COA8: variants seen among roughly 807,000 people sequenced by gnomAD.
COA8 encodes cytochrome c oxidase assembly factor 8.
Under a neutral mutation model 22.0 loss-of-function variants are expected in COA8, and 20 were observed. That is an observed-to-expected ratio of 0.91 (90% CI 0.64 to 1.32). COA8 has a LOEUF of 1.32. Ranked by LOEUF, COA8 falls within the 40% of genes most tolerant of loss-of-function variation. The pLI, the probability that COA8 is intolerant of heterozygous loss-of-function variation, is 0.00. For synonymous variants in COA8, 105 were observed against 79.9 expected (o/e 1.31, Z -1.68); for missense variants, 266 against 230.0 (o/e 1.16, Z -1.01).
chr14:103,590,533 G>A lies in COA8; in HGVS notation c.*247G>A, dbSNP rs553163151. ...AATAAAGCCCAAGCACTGGGTGCCC[G>A]TTTCCTGTGTTTCGAATTATACCAA... On this transcript the variant is annotated 3_prime_UTR_variant, in exon 5 of 5. Coordinates refer to ENST00000409074, the MANE Select transcript of COA8 (RefSeq NM_001370595.2). 17 of 420,968 alleles carry A rather than the reference G, an allele frequency of 4.0e-5. No individual in the cohort carries two copies. In the East Asian group the frequency reaches 5.6e-4, roughly 14 times the overall value. The allele number at this position is 420,968 out of a possible 1,614,324, so 26.1% of individuals were successfully genotyped here.
At chr14:103,578,681 G>A (rs1304645194) in intron 3 of COA8, among the ~76,000 whole-genome samples, 1 of 152,148 alleles carries the variant, frequency 6.6e-6, no homozygotes, top group Admixed American at 6.6e-5. Context: ...AGTGTGGATG[G>A]TGCCCTGCTT....
chr14:103,584,967 G>A (rs550570957), intron 3 of COA8, among the ~76,000 whole-genome samples: 3 of 151,686 alleles, frequency 2.0e-5, no homozygotes, highest in East Asian at 2.0e-4. Flanking sequence ...GTGAAACCCC[G>A]TCTTTACTAG....
At chr14:103,574,671 A>T (rs1039799189) in intron 3 of COA8, 2 of 338,746 alleles carry the variant, frequency 5.9e-6, no homozygotes, top group East Asian at 1.7e-4. Flanking sequence ...TGCCATTCCT[A>T]CTAATCCTTT....
At chr14:103,574,240 A>G (rs756341441) in intron 3 of COA8, 70 bp downstream of exon 3, 41 of 1,598,884 alleles carry the variant, frequency 2.6e-5, no homozygotes, top group Non-Finnish European at 3.2e-5. Flanking sequence ...AAGGGAAAGG[A>G]AGGGCGGTGA....
chr14:103,571,669 G>C lies in COA8; in HGVS notation c.170G>C (p.Gly57Ala), dbSNP rs769818337. The C allele has an allele frequency of 6.2e-7, 1 of 1,614,152 alleles. No individual in the cohort carries two copies. Among genetic ancestry groups the C allele is most frequent in the South Asian group, 1.1e-5 (1 of 91,082 alleles). ...AGAAAGTCTTGCCATGATTGGATAG[G>C]ACCCCCAGATAAATATTCAAACCTT... The part of the protein sequence containing the change: ...PPRKSCHDWI[G>A]PPDKYSNLRP... The change falls in exon 2 of 5, where the codon GGA becomes GCA. Residue 57 changes from glycine (G) to alanine (A), a missense_variant. Physicochemically the swap from Gly to Ala is moderately conservative, Grantham distance 60. Transcript: ENST00000409074.
At chr14:103,587,808 A>G (rs576023279) in intron 4 of COA8, among the ~76,000 whole-genome samples, 14 of 151,748 alleles carry the variant, frequency 9.2e-5, no homozygotes, top group Admixed American at 5.9e-4. Context: ...CGCCTCGTCT[A>G]TCAACTTTAT....
rs1298263478 is a variant in COA8, at chr14:103,562,971, G to C, written c.-31G>C. 1.3e-6 allele frequency: 2 copies of C among 1,513,912 alleles called. No homozygotes were observed. The highest frequency in any genetic ancestry group is 1.8e-6 in the Non-Finnish European group (2 of 1,136,748). 93.8% of individuals were successfully genotyped at this position (1,513,912 alleles called of 1,614,324 possible). A position where few individuals can be genotyped will look rare whatever the true frequency, so the allele number is the denominator to read the frequency against. ...CCCCTCGCGCCGTCGCAATGCTGCC[G>C]TGCGCCGCGGGAGCCAGGGGGCGTG... On this transcript the variant is annotated 5_prime_UTR_variant, in exon 1 of 5. Transcript: ENST00000409074.
In COA8 at chr14:103,590,256, T is replaced by C; in HGVS notation, c.552T>C (p.Leu184=). 1 of 1,614,058 alleles carries C rather than the reference T, an allele frequency of 6.2e-7. No homozygotes were observed. Among genetic ancestry groups the C allele is most frequent in the African/African-American group, 1.3e-5 (1 of 75,044 alleles). The change falls in exon 5 of 5, where the codon CTT becomes CTC. Residue 184 remains leucine, a synonymous_variant. Transcript: ENST00000409074. The part of the protein sequence containing the change: ...KVALERIWNK[L]KQKQKKRSN ...CCCTGGAAAGGATTTGGAACAAGCT[T>C]AAACAGAAACAAAAGAAGAGGAGCA...
intron 4 of COA8, among the ~76,000 whole-genome samples, chr14:103,589,845 C>T (rs1216675252): frequency 4.0e-5 from 6 of 151,488 alleles, no homozygotes; most frequent in South Asian, 2.1e-4. Context: ...ACCCGGGAGG[C>T]GGAGCTTGCA....
intron 3 of COA8, among the ~76,000 whole-genome samples, chr14:103,577,516 G>A (rs1328102858): frequency 6.6e-6 from 1 of 152,112 alleles, no homozygotes; most frequent in African/African-American, 2.4e-5. Flanking sequence ...TTTTCCAGAA[G>A]AATTTAGCTA....
chr14:103,571,184 G>T (rs1047829367), intron 1 of COA8, among the ~76,000 whole-genome samples: 2 of 152,024 alleles, frequency 1.3e-5, no homozygotes, highest in East Asian at 3.9e-4. Context: ...TGGCTAACAG[G>T]GTGAAACCCC....
intron 3 of COA8, 33 bp downstream of exon 3, chr14:103,574,203 T>A: frequency 6.2e-7 from 1 of 1,611,930 alleles, no homozygotes; most frequent in South Asian, 1.1e-5. Flanking sequence ...TTTTTTTGCT[T>A]TCTTTGCGTT....
At chr14:103,588,461 ATAAG>A (rs141912127) in intron 4 of COA8, among the ~76,000 whole-genome samples, 2,461 of 146,316 alleles carry the variant, frequency 0.017, 65 homozygotes, top group African/African-American at 0.057. Flanking sequence ...AAATAAATAA[ATAAG>A]TAAGTAATTA....
At chr14:103,589,601 G>GA (rs145789837) in intron 4 of COA8, among the ~76,000 whole-genome samples, 1,601 of 151,672 alleles carry the variant, frequency 0.011, 31 homozygotes, top group African/African-American at 0.037. Flanking sequence ...TAAGCAAGAT[G>GA]AAAAAACAAA....
chr14:103,574,078 C>CTTTTTT (rs11337243), intron 2 of COA8, 29 bp from the exon 3 acceptor site: 464 of 1,013,188 alleles, frequency 4.6e-4, no homozygotes, highest in Non-Finnish European at 5.1e-4. Context: ...TTCTGAGAGC[C>CTTTTTT]TTTTTTTTTT....
At position 103,571,672 on chromosome 14, in the gene COA8, C is replaced by A; in HGVS notation, c.173C>A (p.Pro58His). ...AAGTCTTGCCATGATTGGATAGGAC[C>A]CCCAGATAAATATTCAAACCTTCGA... ...PRKSCHDWIG[P>H]PDKYSNLRPV... Residue 58 changes from proline to histidine, a missense_variant, in exon 2 of 5, where the codon CCC (proline) becomes CAC (histidine). Pro to His is a moderately conservative substitution (Grantham distance 77). Transcript: ENST00000409074. 12 of 1,614,096 alleles carry A rather than the reference C, an allele frequency of 7.4e-6. No individual in the cohort carries two copies. The highest frequency in any genetic ancestry group is 1.0e-5 in the Non-Finnish European group (12 of 1,180,020).
At chr14:103,572,248 G>A (rs2076193673) in intron 2 of COA8, among the ~76,000 whole-genome samples, 2 of 152,176 alleles carry the variant, frequency 1.3e-5, no homozygotes, top group Admixed American at 6.6e-5. Context: ...CTGGGTCTCA[G>A]TCCATCCCCC....
At chr14:103,576,005 A>G (rs948604287) in intron 3 of COA8, among the ~76,000 whole-genome samples, 8 of 151,922 alleles carry the variant, frequency 5.3e-5, no homozygotes, top group African/African-American at 1.9e-4. Flanking sequence ...GCCTGGCCAA[A>G]AAGTTAATTA....
intron 1 of COA8, among the ~76,000 whole-genome samples, chr14:103,568,910 G>T (rs911762516): frequency 6.6e-6 from 1 of 152,122 alleles, no homozygotes; most frequent in Admixed American, 6.5e-5. Context: ...GGGATGACAG[G>T]CGTGAGCCAC....
Sources: gnomAD v4.1 joint callset for allele counts (sites outside exome capture counted in the v4.1 genomes callset) on GRCh38, gnomAD v4.1.1 for gene constraint, MANE v1.5 for transcripts, NCBI Gene and HGNC (gene_info 2026-07-23, HGNC 2026-07-21) for gene names.